Variants in SNX29 observed in about 807,000 individuals in gnomAD.
The protein encoded by SNX29 is sorting nexin-29.
A neutral mutation model predicts 102.1 loss-of-function variants in SNX29; 78 were observed. That is an observed-to-expected ratio of 0.76 (90% CI 0.64 to 0.92). SNX29 has a LOEUF of 0.92. Ranked by LOEUF, SNX29 falls within the 40% of genes least tolerant of loss-of-function variation. The probability of loss-of-function intolerance (pLI) is 0.00; values close to 1 mark genes in which losing one functional copy is unlikely to be tolerated. For synonymous variants in SNX29, 580 were observed against 414.5 expected (o/e 1.40, Z -4.85); for missense variants, 1,280 against 1,061.7 (o/e 1.21, Z -2.86).
At chr16:12,134,104 T>A (rs2054571463) in intron 13 of SNX29, among the ~76,000 whole-genome samples, 1 of 152,200 alleles carries the variant, frequency 6.6e-6, no homozygotes, top group Admixed American at 6.5e-5. Flanking sequence ...GATTGCCTTG[T>A]TTCCTTTTGA....
chr16:12,124,355 C>CAAA (rs5815668), intron 11 of SNX29, among the ~76,000 whole-genome samples: 13 of 130,458 alleles, frequency 1.0e-4, no homozygotes, highest in Admixed American at 3.0e-4. Context: ...GACTCCGTCT[C>CAAA]AAAAAAAAAA....
At chr16:12,546,235 C>T (rs534717781) in intron 20 of SNX29, 4 of 152,204 alleles carry the variant, frequency 2.6e-5, no homozygotes, top group Non-Finnish European at 4.4e-5. Flanking sequence ...TAGAGGTAAA[C>T]TTGACCTCTT....
At chr16:12,350,656 G>A (rs1234007227) in intron 15 of SNX29, among the ~76,000 whole-genome samples, 1 of 152,158 alleles carries the variant, frequency 6.6e-6, no homozygotes, top group Non-Finnish European at 1.5e-5. Flanking sequence ...TTACAAATGA[G>A]GAAGAGGAAA....
chr16:12,052,013 C>T lies in SNX29; in HGVS notation c.915C>T (p.Ser305=), dbSNP rs148525738. Residue 305 remains serine (S), a synonymous_variant, in exon 8 of 21, where the codon TCC becomes TCT. Coordinates refer to ENST00000566228, the MANE Select transcript of SNX29 (RefSeq NM_032167.5). The part of the protein sequence containing the change: ...NSDRSSVNIM[S]AFESPFGPNS... Reference sequence around the variant, plus strand: ...ACCGCTCCTCTGTCAATATCATGTCCGCCTTTGAAAGCCCCTTCGGGCCTA... The same window carrying T: ...ACCGCTCCTCTGTCAATATCATGTCTGCCTTTGAAAGCCCCTTCGGGCCTA... 8.5e-5 allele frequency: 137 copies of T among 1,613,920 alleles called. No individual in the cohort carries two copies. In the East Asian group the frequency reaches 1.6e-3, roughly 19 times the overall value.
At chr16:12,401,044 G>T (rs1214710007) in intron 17 of SNX29, among the ~76,000 whole-genome samples, 1 of 152,080 alleles carries the variant, frequency 6.6e-6, no homozygotes, top group Admixed American at 6.6e-5. Flanking sequence ...TGTTAGCCAG[G>T]ATGGTCTCGA....
intron 15 of SNX29, among the ~76,000 whole-genome samples, chr16:12,281,869 G>C (rs928448950): frequency 2.0e-5 from 3 of 151,980 alleles, no homozygotes. Context: ...CTAGGAGTTC[G>C]AGAGTAGCCT....
At chr16:12,014,237 G>C (rs2151069849) in intron 3 of SNX29, among the ~76,000 whole-genome samples, 1 of 152,158 alleles carries the variant, frequency 6.6e-6, no homozygotes, top group African/African-American at 2.4e-5. Context: ...CCTGCATCCA[G>C]GGGCTCTTGT....
chr16:12,022,887 C>A (rs1398758507), intron 3 of SNX29, among the ~76,000 whole-genome samples: 1 of 146,642 alleles, frequency 6.8e-6, no homozygotes, highest in Non-Finnish European at 1.5e-5. Flanking sequence ...TGGATCAGTA[C>A]CTTATTCCTT....
rs370570651 is a variant in SNX29 at position 12,568,725 on chromosome 16, G to A, written c.*96G>A. The A allele has an allele frequency of 4.2e-5, 64 of 1,505,958 alleles. No individual in the cohort carries two copies. The highest frequency in any genetic ancestry group is 3.1e-4 in the East Asian group (13 of 42,442). 93.3% of individuals were successfully genotyped at this position (1,505,958 alleles called of 1,614,324 possible). On this transcript the variant is annotated 3_prime_UTR_variant, in exon 21 of 21. Transcript: ENST00000566228. ...CCCCTCACCTCAGCGTGACAACCAC[G>A]TCCACCTGGTGATCCTGAGAGCACA...
At chr16:12,330,843 G>A (rs562061691) in intron 15 of SNX29, among the ~76,000 whole-genome samples, 59 of 152,306 alleles carry the variant, frequency 3.9e-4, no homozygotes, top group Non-Finnish European at 6.8e-4. Flanking sequence ...GCAGCTTCAC[G>A]TTCAGATGGA....
At chr16:12,568,013 A>T (rs189948659) in intron 20 of SNX29, among the ~76,000 whole-genome samples, 3 of 152,170 alleles carry the variant, frequency 2.0e-5, no homozygotes, top group African/African-American at 7.2e-5. Context: ...ATACCATGCC[A>T]AACAACCTTT....
intron 15 of SNX29, among the ~76,000 whole-genome samples, chr16:12,293,604 G>C (rs1243732920): frequency 6.6e-6 from 1 of 152,192 alleles, no homozygotes; most frequent in Non-Finnish European, 1.5e-5. Flanking sequence ...ATTGATTACA[G>C]TGCAAATTAA....
intron 19 of SNX29, among the ~76,000 whole-genome samples, chr16:12,500,546 T>A (rs992569674): frequency 6.6e-6 from 1 of 152,248 alleles, no homozygotes; most frequent in African/African-American, 2.4e-5. Context: ...TTTCATGCAT[T>A]GGTGCCAGGC....
At chr16:12,432,599 A>C (rs1301104198) in intron 18 of SNX29, among the ~76,000 whole-genome samples, 1 of 152,208 alleles carries the variant, frequency 6.6e-6, no homozygotes, top group East Asian at 1.9e-4. Flanking sequence ...AAGAGCAGCA[A>C]CGCCACACAC....
At chr16:12,325,883 G>C (rs1255085546) in intron 15 of SNX29, among the ~76,000 whole-genome samples, 1 of 152,016 alleles carries the variant, frequency 6.6e-6, no homozygotes, top group South Asian at 2.1e-4. Flanking sequence ...AAAGCTATTA[G>C]TTGGGTGTGG....
intron 16 of SNX29, chr16:12,375,422 G>T (rs1368625573): frequency 6.6e-6 from 1 of 152,156 alleles, no homozygotes; most frequent in East Asian, 1.9e-4. Flanking sequence ...GTTTCTGTGG[G>T]CCTGGAGTCC....
chr16:12,497,418 G>T (rs1026573572), intron 19 of SNX29, among the ~76,000 whole-genome samples: 13 of 152,200 alleles, frequency 8.5e-5, no homozygotes, highest in African/African-American at 3.1e-4. Flanking sequence ...TTAAATTAGG[G>T]TGTGGGAGCA....
At chr16:12,204,575 C>G (rs758407445) in intron 14 of SNX29, among the ~76,000 whole-genome samples, 1 of 152,136 alleles carries the variant, frequency 6.6e-6, no homozygotes, top group Non-Finnish European at 1.5e-5. Context: ...GCAGTCAGCC[C>G]AGGGAGAGAG....
intron 9 of SNX29, 106 bp downstream of exon 9, chr16:12,061,752 A>G (rs1216624544): frequency 7.2e-6 from 7 of 970,398 alleles, no homozygotes; most frequent in Admixed American, 4.4e-5. Flanking sequence ...GCCGGGAGGC[A>G]CGGGAGTCGG....
Sources: gnomAD v4.1 joint callset for allele counts (sites outside exome capture counted in the v4.1 genomes callset) on GRCh38, gnomAD v4.1.1 for gene constraint, MANE v1.5 for transcripts, NCBI Gene and HGNC (gene_info 2026-07-23, HGNC 2026-07-21) for gene names.